Variants in ADGRB2 observed in about 807,000 individuals in gnomAD.
ADGRB2 encodes adhesion G protein-coupled receptor B2.
ADGRB2 carries 47 observed loss-of-function variants against 178.7 expected under a neutral mutation model. The ratio of observed to expected loss-of-function variants is 0.26; its 90% CI spans 0.21 to 0.34. The LOEUF (loss-of-function observed/expected upper bound fraction) is 0.34, where lower values mean the gene tolerates loss of function less well. Ranked by LOEUF, ADGRB2 falls within the 10% of genes least tolerant of loss-of-function variation. The pLI is 1.00. For missense variants in ADGRB2, 1,584 were observed against 2,180.8 expected, an observed-to-expected ratio of 0.73 and a Z score of 5.45; for synonymous variants, 870 against 912.4, an observed-to-expected ratio of 0.95 and a Z score of 0.84.
chr1:31,735,125 C>CCGGG lies in ADGRB2; in HGVS notation c.3452+57_3452+58insCCCG. The CCGGG allele has an allele frequency of 3.6e-6, 2 of 559,382 alleles. No homozygotes were observed. Among genetic ancestry groups the CCGGG allele is most frequent in the Non-Finnish European group, 5.8e-6 (2 of 342,294 alleles). The allele number at this position is 559,382 out of a possible 1,614,324, so 34.7% of individuals were successfully genotyped here. On this transcript the variant is annotated intron_variant, in intron 25 of 32. Coordinates refer to ENST00000373658, the MANE Select transcript of ADGRB2 (RefSeq NM_001364857.2). The surrounding 1 kb of genome is among the most constrained non-coding windows in gnomAD (Gnocchi z 6.0). ...CCTCCTCCCCCCACCATGGGCACTG[C>CCGGG]CCCCCCCAATTCCTTTGCCCCACCC...
chr1:31,763,993 T>G lies in ADGRB2; in HGVS notation c.-300A>C, dbSNP rs929141303. ...CCGGGCCGGGCGCAGGGTAGGTAGC[T>G]GCAGCCGCGCGGAGGGCCGAGGCTC... On this transcript the variant is annotated 5_prime_UTR_variant, in exon 1 of 33. Transcript: ENST00000373658. 9.5e-5 allele frequency: 92 copies of G among 972,498 alleles called. No individual in the cohort carries two copies. Among genetic ancestry groups the G allele is most frequent in the Non-Finnish European group, 1.1e-4 (90 of 826,236 alleles). The allele number at this position is 972,498 out of a possible 1,614,324, so 60.2% of individuals were successfully genotyped here. A position where few individuals can be genotyped will look rare whatever the true frequency, so the allele number is the denominator to read the frequency against.
In ADGRB2 at chr1:31,735,386, G is replaced by T; in HGVS notation, c.3354-105C>A. ...GGGTGGGAGGGGAGGGCAGACGAGA[G>T]AGAGAGAGCTGGGTTAGGGTGGGTG... On this transcript the variant is annotated intron_variant, in intron 24 of 32. Transcript: ENST00000373658. This position sits in a 1 kb window ranked among gnomAD's most constrained non-coding sequence, Gnocchi z 6.0. 8.4e-7 allele frequency: 1 copy of T among 1,185,610 alleles called. No individual in the cohort carries two copies. The highest frequency in any genetic ancestry group is 1.2e-6 in the Non-Finnish European group (1 of 826,850). The allele number at this position is 1,185,610 out of a possible 1,614,324, so 73.4% of individuals were successfully genotyped here.
Position 31,742,093 on chromosome 1 carries a change from G to A in ADGRB2, c.1377C>T (p.Ala459=), listed in dbSNP as rs774522831. Residue 459 remains alanine (A), a synonymous_variant, in exon 8 of 33, where the codon GCC becomes GCT. Transcript: ENST00000373658. ...TGCTGCACTCCCGGGTGTCAGTGAG[G>A]GCACCCGTGCATGTGGCCCAGGCTG... ...AGPAWATCTG[A]LTDTRECSNL... 1 of 1,612,896 alleles carries A rather than the reference G, an allele frequency of 6.2e-7. No homozygotes were observed. The highest frequency in any genetic ancestry group is 8.5e-7 in the Non-Finnish European group (1 of 1,179,590).
chr1:31,759,508 C>A lies in ADGRB2; in HGVS notation c.-190-1997G>T. On this transcript the variant is annotated intron_variant, in intron 1 of 32. Coordinates refer to ENST00000373658, the MANE Select transcript of ADGRB2 (RefSeq NM_001364857.2). This position sits in a 1 kb window ranked among gnomAD's most constrained non-coding sequence, Gnocchi z 4.3. Reference sequence around the variant, plus strand: ...GGTCCACATCCTTCAGAGCCACAGGCTGGCTTCTCCAGAATGGAGTCACTT... The same window carrying A: ...GGTCCACATCCTTCAGAGCCACAGGATGGCTTCTCCAGAATGGAGTCACTT... 1.5e-6 allele frequency: 1 copy of A among 666,984 alleles called. No individual in the cohort carries two copies. Among genetic ancestry groups the A allele is most frequent in the Admixed American group, 2.3e-5 (1 of 42,990 alleles). 41.3% of individuals were successfully genotyped at this position (666,984 alleles called of 1,614,324 possible). A position where few individuals can be genotyped will look rare whatever the true frequency, so the allele number is the denominator to read the frequency against.
chr1:31,744,607 C>T lies in ADGRB2; in HGVS notation c.922+41G>A, dbSNP rs762253873. 15 of 1,604,288 alleles carry T rather than the reference C, an allele frequency of 9.3e-6. No homozygotes were observed. The highest frequency in any genetic ancestry group is 7.8e-5 in the South Asian group (7 of 90,198). On this transcript the variant is annotated intron_variant, in intron 5 of 32. Transcript: ENST00000373658. This position sits in a 1 kb window ranked among gnomAD's most constrained non-coding sequence, Gnocchi z 6.7. ...ACACACACCACCAGACGCACACAGT[C>T]GGGCCCCCGCCGCAGAGGAAGGGAG...
chr1:31,734,661 G>T (rs538192322), intron 25 of ADGRB2, among the ~76,000 whole-genome samples: 86 of 152,318 alleles, frequency 5.6e-4, no homozygotes, highest in African/African-American at 1.9e-3. Flanking sequence ...TAGGGCGGGG[G>T]TCTCAGTGAA....
At chr1:31,760,850 C>A (rs1311066340) in intron 1 of ADGRB2, 1 of 152,424 alleles carries the variant, frequency 6.6e-6, no homozygotes, top group Non-Finnish European at 1.5e-5. Flanking sequence ...ACCCTCCATC[C>A]TGCCTCCGGA....
chr1:31,735,429 A>C lies in ADGRB2; in HGVS notation c.3354-148T>G. On this transcript the variant is annotated intron_variant, in intron 24 of 32. Coordinates refer to ENST00000373658, the MANE Select transcript of ADGRB2 (RefSeq NM_001364857.2). The surrounding 1 kb of genome is among the most constrained non-coding windows in gnomAD (Gnocchi z 6.0). ...GGTGGGTGAGGGGCTGCGGCTGAGC[A>C]CTCCGGGTGCCCACCTTGCCTGCAA... 2 of 1,242,460 alleles carry C rather than the reference A, an allele frequency of 1.6e-6. No homozygotes were observed. The highest frequency in any genetic ancestry group is 1.1e-6 in the Non-Finnish European group (1 of 871,862). 77.0% of individuals were successfully genotyped at this position (1,242,460 alleles called of 1,614,324 possible).
intron 16 of ADGRB2, 67 bp from the exon 17 acceptor site, chr1:31,738,697 C>A (rs913561435): frequency 3.1e-5 from 50 of 1,598,650 alleles, no homozygotes; most frequent in Non-Finnish European, 4.1e-5. Flanking sequence ...ACTGCCCATG[C>A]CATGGGGGCC....
intron 1 of ADGRB2, among the ~76,000 whole-genome samples, chr1:31,762,254 TC>T (rs1647061950): frequency 6.6e-6 from 1 of 151,928 alleles, no homozygotes; most frequent in South Asian, 2.1e-4. Context: ...TCAATCTTGG[TC>T]CAGAGAAGAC....
rs1646882742 is a variant in ADGRB2, at chr1:31,757,185, C to T, written c.21+16G>A. ...AAGCATATTCGCCTTGCATTCAGAT[C>T]CAGCCCCAGCCTCACCATCCAACCT... On this transcript the variant is annotated intron_variant, in intron 3 of 32. Coordinates refer to ENST00000373658, the MANE Select transcript of ADGRB2 (RefSeq NM_001364857.2). The T allele has an allele frequency of 6.2e-7, 1 of 1,614,174 alleles. No homozygotes were observed. Among genetic ancestry groups the T allele is most frequent in the East Asian group, 2.2e-5 (1 of 44,884 alleles).
intron 4 of ADGRB2, among the ~76,000 whole-genome samples, chr1:31,749,981 AAAG>A (rs1646481289): frequency 6.6e-6 from 1 of 150,830 alleles, no homozygotes; most frequent in Non-Finnish European, 1.5e-5. Flanking sequence ...AAAGAACAAA[AAAG>A]AAAGAAAGAA....
chr1:31,743,520 T>C (rs1646103741), intron 6 of ADGRB2: 2 of 152,842 alleles, frequency 1.3e-5, no homozygotes, highest in Non-Finnish European at 2.9e-5. Flanking sequence ...CCCAGGCCTT[T>C]GCAAACTCCT....
Position 31,744,486 on chromosome 1 carries a change from A to G in ADGRB2, c.923-129T>C. On this transcript the variant is annotated intron_variant, in intron 5 of 32. Transcript: ENST00000373658. This position sits in a 1 kb window ranked among gnomAD's most constrained non-coding sequence, Gnocchi z 6.7. ...TCCTCCTACCCTGACCCCAAGTAAC[A>G]GGCTCTTCAGGAGGCCACCCAGCCC... 6.9e-7 allele frequency: 1 copy of G among 1,442,884 alleles called. No individual in the cohort carries two copies. Among genetic ancestry groups the G allele is most frequent in the South Asian group, 1.3e-5 (1 of 78,902 alleles). 89.4% of individuals were successfully genotyped at this position (1,442,884 alleles called of 1,614,324 possible).
chr1:31,732,896 G>T (rs957030471), intron 26 of ADGRB2, 76 bp downstream of exon 26: 1 of 1,494,980 alleles, frequency 6.7e-7, no homozygotes, highest in East Asian at 2.5e-5. Context: ...CGATCCTCCC[G>T]GTCTGCACAG....
chr1:31,733,088 A>G lies in ADGRB2; in HGVS notation c.3508T>C (p.Ser1170Pro). 6.3e-7 allele frequency: 1 copy of G among 1,586,684 alleles called. No homozygotes were observed. The highest frequency in any genetic ancestry group is 8.6e-7 in the Non-Finnish European group (1 of 1,166,488). ...CGGTCTGTCATAGCCAGGACGGCAG[A>G]CATCCAGGTGAGCGCCAGCAGGGGC... ...VLPLLALTWM[S>P]AVLAMTDRRS... Residue 1170 changes from serine (S) to proline (P), a missense_variant, in exon 26 of 33, where the codon TCT (serine) becomes CCT (proline). By Grantham distance (74) the Ser-to-Pro change is moderately conservative (BLOSUM62 -1). Around this residue, in one of 3 missense-constraint regions of ADGRB2, gnomAD observed 865 missense variants for 1,192.8 expected, o/e 0.73. Transcript: ENST00000373658. The surrounding 1 kb of genome is among the most constrained non-coding windows in gnomAD (Gnocchi z 4.3).
chr1:31,743,085 G>C, intron 6 of ADGRB2, 83 bp from the exon 7 acceptor site: 1 of 1,329,952 alleles, frequency 7.5e-7, no homozygotes, highest in Non-Finnish European at 9.7e-7. Flanking sequence ...CCACCAATCA[G>C]GAGCTCCGCA....
chr1:31,738,212 C>T lies in ADGRB2; in HGVS notation c.2760G>A (p.Pro920=), dbSNP rs147495826. Residue 920 remains proline, a synonymous_variant, in exon 18 of 33, where the codon CCG becomes CCA. Transcript: ENST00000373658. Reference sequence around the variant, plus strand: ...CTGTTCCACTCACCAGGTCCTTGGGCGGCTGGGCTAGTACAGCAAAGGTGG... The same window carrying T: ...CTGTTCCACTCACCAGGTCCTTGGGTGGCTGGGCTAGTACAGCAAAGGTGG... The part of the protein sequence containing the change: ...HLSTFAVLAQ[P]PKDLTLELAG... 6.1e-5 allele frequency: 98 copies of T among 1,613,980 alleles called. No individual in the cohort carries two copies. Among genetic ancestry groups the T allele is most frequent in the African/African-American group, 5.3e-4 (40 of 74,938 alleles).
chr1:31,730,074 C>A (rs1019668291), intron 29 of ADGRB2, among the ~76,000 whole-genome samples: 2 of 152,206 alleles, frequency 1.3e-5, no homozygotes, highest in Non-Finnish European at 2.9e-5. Flanking sequence ...TTCATGACTC[C>A]AATAAAGTTG....
Sources: allele counts gnomAD v4.1 joint callset (sites outside exome capture counted in the v4.1 genomes callset), GRCh38; gene constraint gnomAD v4.1.1; regional missense constraint gnomAD v4.1.1; non-coding constraint Gnocchi (gnomAD v3.1); transcripts MANE v1.5; gene names NCBI Gene and HGNC (gene_info 2026-07-23, HGNC 2026-07-21).